The following CCDC74A variants were observed in gnomAD, a reference collection of about 807,000 sequenced individuals.
CCDC74A encodes the protein coiled-coil domain-containing protein 74A.
In CCDC74A, 38 loss-of-function variants were observed where a neutral mutation model predicts 37.6. The observed-to-expected ratio is 1.01, with a 90% CI of 0.78 to 1.33. The LOEUF (loss-of-function observed/expected upper bound fraction) is 1.33, where lower values mean the gene tolerates loss of function less well. Ranked by LOEUF, CCDC74A falls within the 40% of genes most tolerant of loss-of-function variation. The pLI is 0.00. For missense variants in CCDC74A, 340 were observed against 403.4 expected, an observed-to-expected ratio of 0.84 and a Z score of 1.35; for synonymous variants, 134 against 165.2, an observed-to-expected ratio of 0.81 and a Z score of 1.45.
At chr2:131,531,073 C>T (rs570038747) in intron 3 of CCDC74A, among the ~76,000 whole-genome samples, 48 of 152,226 alleles carry the variant, frequency 3.2e-4, no homozygotes, top group African/African-American at 1.2e-3. Context: ...CAGGGCGGGG[C>T]AGCAAGCAGG....
At chr2:131,530,912 G>A (rs1681171867) in intron 3 of CCDC74A, 85 bp downstream of exon 3, 2 of 1,565,740 alleles carry the variant, frequency 1.3e-6, no homozygotes, top group Admixed American at 3.6e-5. Flanking sequence ...GTGCTGACCA[G>A]GCGCCCTCTG....
intron 1 of CCDC74A, chr2:131,529,432 C>T (rs764351209): frequency 5.7e-6 from 4 of 707,622 alleles, no homozygotes; most frequent in South Asian, 3.0e-5. Flanking sequence ...CCGATATGCC[C>T]GGTGGGCTCT....
Position 131,530,984 on chromosome 2 carries a change from G to A in CCDC74A, c.346+157G>A. 3 of 625,740 alleles carry A rather than the reference G, an allele frequency of 4.8e-6. No individual in the cohort carries two copies. The South Asian group carries it at 5.6e-5, about 12-fold the overall frequency. 38.8% of individuals were successfully genotyped at this position (625,740 alleles called of 1,614,324 possible). A position where few individuals can be genotyped will look rare whatever the true frequency, so the allele number is the denominator to read the frequency against. On this transcript the variant is annotated intron_variant, in intron 3 of 7. Transcript: ENST00000409856. ...GCTGAAAAGAGCCCTGCAAGCTGAAGCCACCGGGAGGGGATTAAGGGGGGG... is the reference window on the plus strand; with the variant it reads ...GCTGAAAAGAGCCCTGCAAGCTGAAACCACCGGGAGGGGATTAAGGGGGGG...
rs764916329 is a variant in CCDC74A at position 131,530,502 on chromosome 2, T to C, written c.296-275T>C. On this transcript the variant is annotated intron_variant, in intron 2 of 7. Coordinates refer to ENST00000409856, the MANE Select transcript of CCDC74A (RefSeq NM_001258306.3). Reference sequence around the variant, plus strand: ...CCCAGCCCTGCAGTGCTGGGGACGCTGACAGGACACGGGAAGAGGCCATGC... The same window carrying C: ...CCCAGCCCTGCAGTGCTGGGGACGCCGACAGGACACGGGAAGAGGCCATGC... The C allele has an allele frequency of 1.0e-5, 16 of 1,573,860 alleles. 1 individual carries two copies. The highest frequency in any genetic ancestry group is 5.8e-5 in the South Asian group (5 of 86,354).
upstream of CCDC74A, among the ~76,000 whole-genome samples, chr2:131,524,886 CAAAAAAAAAAAAAA>C (rs57589680): frequency 2.0e-5 from 2 of 98,254 alleles, no homozygotes; most frequent in East Asian, 2.8e-4. Context: ...CATAGTAAGA[CAAAAAAAAAAAAAA>C]AAAAAAAAAA....
rs1393435282 is a variant in CCDC74A, at chr2:131,528,486, C to T, written c.250+266C>T. On this transcript the variant is annotated intron_variant, in intron 1 of 7. Coordinates refer to ENST00000409856, the MANE Select transcript of CCDC74A (RefSeq NM_001258306.3). The stretch of plus-strand genomic sequence containing the variant: ...CTGACTCCGCCAATCCTCTCCTCTC[C>T]AAGCAGGGTCAGACACACCTCTGTT... The T allele has an allele frequency of 4.2e-5, 63 of 1,499,482 alleles. 2 individuals are homozygous for T. Among genetic ancestry groups the T allele is most frequent in the Non-Finnish European group, 5.7e-5 (63 of 1,105,804 alleles). The allele number at this position is 1,499,482 out of a possible 1,614,324, so 92.9% of individuals were successfully genotyped here. A position where few individuals can be genotyped will look rare whatever the true frequency, so the allele number is the denominator to read the frequency against.
At chr2:131,529,209 G>T (rs1463776932) in intron 1 of CCDC74A, 10 of 278,886 alleles carry the variant, frequency 3.6e-5, no homozygotes, top group Non-Finnish European at 6.3e-5. Flanking sequence ...ATCACCAGGC[G>T]TCTGTTTTGT....
At chr2:131,525,840 T>C (rs1312888166), upstream of CCDC74A, among the ~76,000 whole-genome samples, 3 of 150,394 alleles carry the variant, frequency 2.0e-5, no homozygotes, top group Non-Finnish European at 4.4e-5. Context: ...TACCTCAGCT[T>C]CCCGAGTAGC....
upstream of CCDC74A, among the ~76,000 whole-genome samples, chr2:131,522,769 T>A (rs1397100712): frequency 1.3e-5 from 2 of 152,280 alleles, no homozygotes; most frequent in African/African-American, 4.8e-5. Context: ...CTGATCATCT[T>A]GTGCAAGCAA....
rs142604613 is a variant in CCDC74A at position 131,533,361 on chromosome 2, C to T, written c.902C>T (p.Ala301Val). Residue 301 changes from alanine (A) to valine (V), a missense_variant, in exon 8 of 8, where the codon GCA becomes GTA. Ala to Val is a moderately conservative substitution (Grantham distance 64, BLOSUM62 0). Transcript: ENST00000409856. ...GCCGAGAGGCAGAAGAGGCTGCAGG[C>T]AATGCAGAAACGGCGCCTGCATCGC... ...NFAERQKRLQ[A>V]MQKRRLHRSV... 6.1e-4 allele frequency: 985 copies of T among 1,613,544 alleles called. 4 individuals are homozygous for T. The highest frequency in any genetic ancestry group is 6.9e-4 in the Non-Finnish European group (809 of 1,179,982).
At chr2:131,524,891 A>C (rs1314883331), upstream of CCDC74A, among the ~76,000 whole-genome samples, 3 of 82,944 alleles carry the variant, frequency 3.6e-5, no homozygotes, top group East Asian at 1.8e-3. Context: ...TAAGACAAAA[A>C]AAAAAAAAAA....
At chr2:131,532,384 C>G (rs997694219) in intron 4 of CCDC74A, among the ~76,000 whole-genome samples, 6 of 149,786 alleles carry the variant, frequency 4.0e-5, no homozygotes, top group African/African-American at 9.8e-5. Flanking sequence ...CCCATCTGAC[C>G]CTTAGGGCAC....
In CCDC74A at chr2:131,533,348, A is replaced by G. The variant is rs760366681; in HGVS notation, c.889A>G (p.Lys297Glu). The G allele has an allele frequency of 2.5e-6, 4 of 1,613,542 alleles. No homozygotes were observed. The South Asian group carries it at 4.4e-5, about 18-fold the overall frequency. The change falls in exon 8 of 8, where the codon AAG (lysine) becomes GAG (glutamate). Residue 297 changes from lysine (K) to glutamate (E), a missense_variant. This residue lies in a region of CCDC74A where 185 missense variants were observed against 231.5 expected (regional missense o/e 0.80). Coordinates refer to ENST00000409856, the MANE Select transcript of CCDC74A (RefSeq NM_001258306.3). ...GAAGAACAACTTTGCCGAGAGGCAG[A>G]AGAGGCTGCAGGCAATGCAGAAACG... ...TPKNNFAERQ[K>E]RLQAMQKRRL...
chr2:131,533,615 G>A lies in CCDC74A; in HGVS notation c.*217G>A. 1 of 628,586 alleles carries A rather than the reference G, an allele frequency of 1.6e-6. No individual in the cohort carries two copies. The highest frequency in any genetic ancestry group is 2.7e-6 in the Non-Finnish European group (1 of 368,850). 38.9% of individuals were successfully genotyped at this position (628,586 alleles called of 1,614,324 possible). A position where few individuals can be genotyped will look rare whatever the true frequency, so the allele number is the denominator to read the frequency against. ...CATTTACATAAAAGCACACGATGAA[G>A]CAGGTATCGCCTTACCTGTTGAAAC... On this transcript the variant is annotated 3_prime_UTR_variant, in exon 8 of 8. Transcript: ENST00000409856.
chr2:131,528,532 C>G, intron 1 of CCDC74A: 3 of 1,192,704 alleles, frequency 2.5e-6, no homozygotes, highest in Non-Finnish European at 3.6e-6. Context: ...TAGAGGGGCC[C>G]GGGCGCGGCG....
intron 2 of CCDC74A, chr2:131,530,070 T>C: frequency 5.2e-6 from 8 of 1,550,394 alleles, no homozygotes; most frequent in Non-Finnish European, 7.0e-6. Context: ...GCCCTATGGC[T>C]CTGAGTCCTC....
upstream of CCDC74A, among the ~76,000 whole-genome samples, chr2:131,526,170 G>A (rs1463414573): frequency 3.9e-5 from 5 of 129,792 alleles, no homozygotes; most frequent in Non-Finnish European, 6.3e-5. Flanking sequence ...TTTCTGAGAT[G>A]GAGTCTTACT....
At position 131,528,147 on chromosome 2, in the gene CCDC74A, C is replaced by T. The variant is rs144545182; in HGVS notation, c.177C>T (p.Phe59=). 6.2e-6 allele frequency: 10 copies of T among 1,613,924 alleles called. No homozygotes were observed. Among genetic ancestry groups the T allele is most frequent in the South Asian group, 1.1e-5 (1 of 91,080 alleles). ...RNLDLEKSLQ[F]LQQQHSEMLA... is the part of the protein sequence containing the mutation. ...TGGACCTGGAGAAAAGCCTGCAGTT[C>T]CTGCAGCAGCAGCACTCGGAGATGC... The change falls in exon 1 of 8, where the codon TTC becomes TTT. Residue 59 remains phenylalanine (F), a synonymous_variant. Transcript: ENST00000409856.
intron 2 of CCDC74A, 35 bp from the exon 3 acceptor site, chr2:131,530,742 G>C (rs11547023): frequency 5.0e-6 from 8 of 1,611,724 alleles, no homozygotes; most frequent in Admixed American, 1.7e-5. Flanking sequence ...GGCGTCTTGC[G>C]GGCGGTAGCG....
Sources: allele counts gnomAD v4.1 joint callset (sites outside exome capture counted in the v4.1 genomes callset), GRCh38; gene constraint gnomAD v4.1.1; regional missense constraint gnomAD v4.1.1; transcripts MANE v1.5; gene names NCBI Gene and HGNC (gene_info 2026-07-23, HGNC 2026-07-21).